Variants in GREB1L observed in about 807,000 individuals in gnomAD.
GREB1L encodes GREB1 like retinoic acid receptor coactivator, also known as GREB1-like protein.
Under a neutral mutation model 200.8 loss-of-function variants are expected in GREB1L, and 17 were observed. The ratio of observed to expected loss-of-function variants is 0.08; its 90% CI spans 0.06 to 0.13. GREB1L has a LOEUF of 0.13. Among genes scored for constraint, GREB1L ranks in the 10% least tolerant of loss-of-function variants. The probability of loss-of-function intolerance (pLI) is 1.00; values close to 1 mark genes in which losing one functional copy is unlikely to be tolerated. For missense variants in GREB1L, 1,657 were observed against 2,367.7 expected (o/e 0.70, Z 6.23); for synonymous variants, 789 against 893.0 (o/e 0.88, Z 2.08).
At chr18:21,292,373 C>T (rs1475019017) in intron 1 of GREB1L, among the ~76,000 whole-genome samples, 6 of 152,156 alleles carry the variant, frequency 3.9e-5, no homozygotes, top group African/African-American at 9.7e-5. Flanking sequence ...ACATAATTCA[C>T]GTACCATAAA....
At chr18:21,350,315 G>A (rs575265047) in intron 1 of GREB1L, among the ~76,000 whole-genome samples, 1 of 147,656 alleles carries the variant, frequency 6.8e-6, no homozygotes, top group African/African-American at 2.5e-5. Context: ...TCAGCTCACT[G>A]CAACCTCCGC....
chr18:21,506,858 G>A (rs1303511956), intron 25 of GREB1L, among the ~76,000 whole-genome samples: 1 of 152,190 alleles, frequency 6.6e-6, no homozygotes, highest in African/African-American at 2.4e-5. Flanking sequence ...ACAAAAGATG[G>A]AAAGGCAACA....
At chr18:21,352,990 G>A (rs1303614256) in intron 1 of GREB1L, among the ~76,000 whole-genome samples, 1 of 151,932 alleles carries the variant, frequency 6.6e-6, no homozygotes, top group African/African-American at 2.4e-5. Flanking sequence ...GACCATCCTG[G>A]CTAACACGGT....
At chr18:21,265,366 C>G (rs561980237) in intron 1 of GREB1L, among the ~76,000 whole-genome samples, 1 of 152,228 alleles carries the variant, frequency 6.6e-6, no homozygotes, top group South Asian at 2.1e-4. Context: ...TCTTTAAGAT[C>G]TTCCTTCCTG....
intron 1 of GREB1L, among the ~76,000 whole-genome samples, chr18:21,332,729 C>A (rs1234288870): frequency 6.6e-6 from 1 of 152,108 alleles, no homozygotes; most frequent in Non-Finnish European, 1.5e-5. Context: ...CCTGCCTCAC[C>A]CTCCCAAAGT....
intron 15 of GREB1L, among the ~76,000 whole-genome samples, chr18:21,465,845 C>T (rs2035243468): frequency 6.6e-6 from 1 of 151,990 alleles, no homozygotes. Context: ...CATTACCCAC[C>T]AAAATAAGGA....
rs950573868 is a variant in GREB1L, at chr18:21,525,753, T to C, written c.*2932T>C. On this transcript the variant is annotated 3_prime_UTR_variant, in exon 33 of 33. Transcript: ENST00000424526. ...ACTATGTAGTATGAAGATGCTGTTA[T>C]TGTAGTATGAATTATATCTTCTTAA... Among the ~76,000 whole-genome samples, 3 of 152,236 alleles carry C rather than the reference T, an allele frequency of 2.0e-5. No individual in the cohort carries two copies. Among genetic ancestry groups the C allele is most frequent in the South Asian group, 2.1e-4 (1 of 4,830 alleles).
intron 28 of GREB1L, 105 bp downstream of exon 28, chr18:21,514,091 A>G (rs2037333331): frequency 2.7e-6 from 3 of 1,115,086 alleles, no homozygotes; most frequent in African/African-American, 1.6e-5. Context: ...ACAGCTTTCC[A>G]GAGCAAAACA....
At chr18:21,274,688 G>A (rs1278338656) in intron 1 of GREB1L, among the ~76,000 whole-genome samples, 1 of 151,830 alleles carries the variant, frequency 6.6e-6, no homozygotes, top group East Asian at 1.9e-4. Flanking sequence ...GAGCTTAAGA[G>A]TTTGAGACCA....
In GREB1L at chr18:21,520,677, G is replaced by A. The variant is rs542800675; in HGVS notation, c.5473-11G>A. On this transcript the variant is annotated splice_polypyrimidine_tract_variant and intron_variant, in intron 31 of 32. Transcript: ENST00000424526. The stretch of plus-strand genomic sequence containing the variant: ...TGAAATGCCCATGCTATTTTTGCTT[G>A]ATGATTTCAGGTGGCCATATGCTAT... 1.2e-5 allele frequency: 18 copies of A among 1,551,348 alleles called. No homozygotes were observed. In the Admixed American group the frequency reaches 2.6e-4, roughly 22 times the overall value.
chr18:21,411,897 T>C (rs1388534212), intron 7 of GREB1L, among the ~76,000 whole-genome samples: 3 of 150,224 alleles, frequency 2.0e-5, no homozygotes, highest in Non-Finnish European at 3.0e-5. Context: ...TACAAAAAAT[T>C]AGCCGGGCGC....
At chr18:21,485,121 G>A (rs2036079099) in intron 17 of GREB1L, among the ~76,000 whole-genome samples, 1 of 152,200 alleles carries the variant, frequency 6.6e-6, no homozygotes, top group African/African-American at 2.4e-5. Flanking sequence ...TGTGGATCCT[G>A]TTAAAGGAAA....
intron 1 of GREB1L, among the ~76,000 whole-genome samples, chr18:21,268,546 CACACACACACACACATATATATAT>C (rs1369516469): frequency 1.0e-5 from 1 of 97,942 alleles, no homozygotes; most frequent in African/African-American, 5.2e-5. Flanking sequence ...CACACACACA[CACACACACACACACATATATATAT>C]ATATATATAT....
At chr18:21,260,922 A>T (rs1157719850) in intron 1 of GREB1L, among the ~76,000 whole-genome samples, 1 of 151,994 alleles carries the variant, frequency 6.6e-6, no homozygotes, top group African/African-American at 2.4e-5. Context: ...AATCGGTTTT[A>T]TACTAAAGAA....
At chr18:21,322,262 A>G (rs1416297499) in intron 1 of GREB1L, among the ~76,000 whole-genome samples, 5 of 152,222 alleles carry the variant, frequency 3.3e-5, no homozygotes, top group Admixed American at 3.3e-4. Flanking sequence ...AAAAGCTGGT[A>G]TTAAATTTAA....
At chr18:21,394,972 C>G (rs372787862) in intron 4 of GREB1L, among the ~76,000 whole-genome samples, 2 of 146,468 alleles carry the variant, frequency 1.4e-5, no homozygotes, top group Non-Finnish European at 3.0e-5. Flanking sequence ...GGTGTGGTGG[C>G]GCACACGCCT....
rs538034648 is a variant in GREB1L at position 21,467,867 on chromosome 18, G to A, written c.2183-5164G>A. On this transcript the variant is annotated intron_variant, in intron 15 of 32. Coordinates refer to ENST00000424526, the MANE Select transcript of GREB1L (RefSeq NM_001142966.3). The stretch of plus-strand genomic sequence containing the variant: ...GTGAAACCCTGTCTCTACTAAAAAC[G>A]CAAAAAAATTAGCTGGGCGTGGTGG... Among the ~76,000 whole-genome samples, 57 of 151,812 alleles carry A rather than the reference G, an allele frequency of 3.8e-4. 1 individual carries two copies. The East Asian group carries it at 0.011, about 28-fold the overall frequency.
intron 5 of GREB1L, among the ~76,000 whole-genome samples, chr18:21,398,958 A>G (rs749593060): frequency 6.6e-6 from 1 of 152,214 alleles, no homozygotes; most frequent in African/African-American, 2.4e-5. Context: ...CTGAAGCCAT[A>G]CAGGGTTTTT....
chr18:21,244,442 G>A (rs568519454), intron 1 of GREB1L, among the ~76,000 whole-genome samples: 1 of 152,132 alleles, frequency 6.6e-6, no homozygotes, highest in African/African-American at 2.4e-5. Context: ...TTAATTCTAG[G>A]CCTGGATTTG....
Sources: gnomAD v4.1 joint callset for allele counts (sites outside exome capture counted in the v4.1 genomes callset) on GRCh38, gnomAD v4.1.1 for gene constraint, MANE v1.5 for transcripts, NCBI Gene and HGNC (gene_info 2026-07-23, HGNC 2026-07-21) for gene names.